The following KLF12 variants were observed in gnomAD, a reference collection of about 807,000 sequenced individuals.
KLF12 encodes KLF transcription factor 12, also known as Krueppel-like factor 12.
Under a neutral mutation model 37.8 loss-of-function variants are expected in KLF12, and 9 were observed. That is an observed-to-expected ratio of 0.24 (90% CI 0.14 to 0.42). The LOEUF (loss-of-function observed/expected upper bound fraction) is 0.42. Among genes scored for constraint, KLF12 ranks in the 10% least tolerant of loss-of-function variants. KLF12 has a pLI of 1.00. For missense variants in KLF12, 411 were observed against 516.0 expected, an observed-to-expected ratio of 0.80 and a Z score of 1.97; for synonymous variants, 208 against 202.1, an observed-to-expected ratio of 1.03 and a Z score of -0.25.
chr13:74,268,246 A>G, the KLF12 span, among the ~76,000 whole-genome samples: 1 of 152,164 alleles, frequency 6.6e-6, no homozygotes, highest in African/African-American at 2.4e-5. Flanking sequence ...TTAGCTAAGG[A>G]GCTAGAACCT....
chr13:73,840,799 C>G (rs1566408181), intron 4 of KLF12, among the ~76,000 whole-genome samples: 1 of 152,118 alleles, frequency 6.6e-6, no homozygotes, highest in Non-Finnish European at 1.5e-5. Context: ...CCTTGAGAAC[C>G]TACCAGATCC....
chr13:74,040,758 G>C (rs1893380159), intron 1 of KLF12, among the ~76,000 whole-genome samples: 1 of 152,130 alleles, frequency 6.6e-6, no homozygotes. Context: ...TATTCCCGAA[G>C]CTGAGGAAGT....
chr13:74,231,160 G>A, the KLF12 span, among the ~76,000 whole-genome samples: 1 of 151,752 alleles, frequency 6.6e-6, no homozygotes, highest in Non-Finnish European at 1.5e-5. Context: ...AGTAAAGTCA[G>A]GTAAATGTCA....
intron 3 of KLF12, among the ~76,000 whole-genome samples, chr13:73,865,583 T>G (rs1886133353): frequency 6.6e-6 from 1 of 152,000 alleles, no homozygotes; most frequent in South Asian, 2.1e-4. Context: ...TTCACTTAAA[T>G]TACAAAATAT....
rs537130260 is a variant in KLF12, at chr13:73,813,264, A to C, written c.694T>G (p.Ser232Ala). The C allele has an allele frequency of 1.1e-5, 18 of 1,614,028 alleles. No individual in the cohort carries two copies. In the South Asian group the frequency reaches 2.0e-4, roughly 18 times the overall value. The change falls in exon 5 of 8, where the codon TCT becomes GCT. Residue 232 changes from serine to alanine, a missense_variant. Physicochemically the swap from Ser to Ala is moderately conservative, Grantham distance 99 (BLOSUM62 1). This residue lies in a region of KLF12 where 351 missense variants were observed against 397.8 expected (regional missense o/e 0.88). Transcript: ENST00000377669. ...CTGTCACTTTTACTTTGTCTGGGAGATAGGCCTCGGGGGTCCATTTGTGCT... is the reference window on the plus strand; with the variant it reads ...CTGTCACTTTTACTTTGTCTGGGAGCTAGGCCTCGGGGGTCCATTTGTGCT...
intron 1 of KLF12, among the ~76,000 whole-genome samples, chr13:74,086,350 T>A (rs1875295766): frequency 6.8e-6 from 1 of 147,040 alleles, no homozygotes. Context: ...TTCCCATCTA[T>A]GAGTGAGAAC....
chr13:74,018,085 T>C (rs1469836579), intron 1 of KLF12, among the ~76,000 whole-genome samples: 1 of 118,974 alleles, frequency 8.4e-6, no homozygotes, highest in Non-Finnish European at 1.7e-5. Context: ...TAATTACTGC[T>C]TTTTTTTTTT....
chr13:73,956,074 A>G (rs1890821802), intron 2 of KLF12, among the ~76,000 whole-genome samples: 1 of 152,254 alleles, frequency 6.6e-6, no homozygotes, highest in African/African-American at 2.4e-5. Flanking sequence ...ACGTACCACA[A>G]TAAAGTCATA....
At chr13:73,914,488 T>A (rs1888721224) in intron 3 of KLF12, among the ~76,000 whole-genome samples, 1 of 152,052 alleles carries the variant, frequency 6.6e-6, no homozygotes, top group Non-Finnish European at 1.5e-5. Context: ...GCCAAATAAC[T>A]TTTTTTTCAT....
the KLF12 span, among the ~76,000 whole-genome samples, chr13:74,232,185 C>G: frequency 1.3e-5 from 2 of 152,154 alleles, no homozygotes; most frequent in African/African-American, 4.8e-5. Flanking sequence ...GAGTTAATTT[C>G]ATTATGTGCT....
the KLF12 span, among the ~76,000 whole-genome samples, chr13:74,281,746 T>G: frequency 6.6e-6 from 1 of 152,200 alleles, no homozygotes; most frequent in Non-Finnish European, 1.5e-5. Context: ...TTTGGAAGAT[T>G]GTTGCAATCT....
At chr13:74,244,636 C>T in the KLF12 span, among the ~76,000 whole-genome samples, 1 of 152,198 alleles carries the variant, frequency 6.6e-6, no homozygotes, top group Non-Finnish European at 1.5e-5. Flanking sequence ...TATCTGCCCT[C>T]CACTGTGGGT....
the KLF12 span, among the ~76,000 whole-genome samples, chr13:74,222,851 A>G: frequency 3.3e-5 from 5 of 152,348 alleles, no homozygotes; most frequent in African/African-American, 1.2e-4. Context: ...TCCTTAAAAT[A>G]GTTTCAGAAC....
At chr13:74,098,663 G>T (rs2138856430) in intron 1 of KLF12, among the ~76,000 whole-genome samples, 1 of 152,258 alleles carries the variant, frequency 6.6e-6, no homozygotes, top group South Asian at 2.1e-4. Flanking sequence ...AACAAAGCAG[G>T]AATGCATACT....
intron 2 of KLF12, among the ~76,000 whole-genome samples, chr13:73,993,097 A>G (rs1046229218): frequency 2.6e-5 from 4 of 152,196 alleles, no homozygotes; most frequent in African/African-American, 9.6e-5. Context: ...GCTAGGCAAC[A>G]TGGCACGCAC....
intron 2 of KLF12, among the ~76,000 whole-genome samples, chr13:73,971,558 T>C (rs1891342026): frequency 6.6e-6 from 1 of 152,172 alleles, no homozygotes; most frequent in South Asian, 2.1e-4. Context: ...AACTATAAAG[T>C]TGATACTATG....
At chr13:73,988,264 A>G (rs1176986936) in intron 2 of KLF12, among the ~76,000 whole-genome samples, 1 of 152,240 alleles carries the variant, frequency 6.6e-6, no homozygotes, top group Non-Finnish European at 1.5e-5. Context: ...TCAGTGTCAT[A>G]CTGGCAACTC....
At chr13:73,917,738 A>T (rs1220590463) in intron 3 of KLF12, among the ~76,000 whole-genome samples, 2 of 152,264 alleles carry the variant, frequency 1.3e-5, no homozygotes, top group Non-Finnish European at 2.9e-5. Context: ...TATTCCTGCT[A>T]CAAGTATCCT....
chr13:73,787,336 A>G (rs1223812675), intron 5 of KLF12, among the ~76,000 whole-genome samples: 1 of 152,214 alleles, frequency 6.6e-6, no homozygotes, highest in Non-Finnish European at 1.5e-5. Context: ...AGCTTGTCCC[A>G]GGTCATGTAG....
Sources: gnomAD v4.1 joint callset for allele counts (sites outside exome capture counted in the v4.1 genomes callset) on GRCh38, gnomAD v4.1.1 for gene constraint, gnomAD v4.1.1 regional missense constraint, MANE v1.5 for transcripts, NCBI Gene and HGNC (gene_info 2026-07-23, HGNC 2026-07-21) for gene names.